SLC24A4: variants seen among roughly 807,000 people sequenced by gnomAD.
SLC24A4 encodes solute carrier family 24 member 4.
A neutral mutation model predicts 79.0 loss-of-function variants in SLC24A4; 53 were observed. That is an observed-to-expected ratio of 0.67 (90% CI 0.54 to 0.84). The LOEUF is 0.84. SLC24A4 is among the 40% of genes least tolerant of loss of function. The pLI is 0.00. For synonymous variants in SLC24A4, 323 were observed against 323.8 expected (o/e 1.00, Z 0.03); for missense variants, 731 against 822.0 (o/e 0.89, Z 1.35).
At chr14:92,464,271 G>A (rs923051281) in intron 12 of SLC24A4, among the ~76,000 whole-genome samples, 6 of 152,152 alleles carry the variant, frequency 3.9e-5, no homozygotes, top group Non-Finnish European at 5.9e-5. Flanking sequence ...ACTGAGAACC[G>A]GAGAGGACCA....
chr14:92,415,157 G>A (rs576605310), intron 2 of SLC24A4, among the ~76,000 whole-genome samples: 1 of 152,184 alleles, frequency 6.6e-6, no homozygotes, highest in South Asian at 2.1e-4. Flanking sequence ...CCTGTGGAAG[G>A]GCTGGACTTG....
chr14:92,491,250 T>G (rs940907172), intron 14 of SLC24A4, among the ~76,000 whole-genome samples: 5 of 152,234 alleles, frequency 3.3e-5, no homozygotes, highest in Non-Finnish European at 7.3e-5. Context: ...GATTCTTAGT[T>G]TAATAAAACT....
At chr14:92,373,625 A>G (rs920760572) in intron 2 of SLC24A4, among the ~76,000 whole-genome samples, 1 of 152,186 alleles carries the variant, frequency 6.6e-6, no homozygotes, top group African/African-American at 2.4e-5. Context: ...AAGTTTTGGA[A>G]ATGATCTGTC....
intron 12 of SLC24A4, 39 bp from the exon 13 acceptor site, chr14:92,482,641 T>C: frequency 6.4e-7 from 1 of 1,553,248 alleles, no homozygotes; most frequent in Non-Finnish European, 8.7e-7. Context: ...AGTGTCTTTC[T>C]CTCCCCCTCC....
chr14:92,358,698 T>C (rs1887321371), intron 2 of SLC24A4, among the ~76,000 whole-genome samples: 1 of 148,610 alleles, frequency 6.7e-6, no homozygotes, highest in Non-Finnish European at 1.5e-5. Context: ...ATCTACTCTT[T>C]TTTTTTTTTT....
Position 92,365,516 on chromosome 14 carries a change from A to G in SLC24A4, c.241+39538A>G, listed in dbSNP as rs574193041. ...TGCCTGAGCCCTTGTATTTACAAGG[A>G]AGACCAGGAGGAGCCCCGGGTGCTG... On this transcript the variant is annotated intron_variant, in intron 2 of 16. Transcript: ENST00000532405. Among the ~76,000 whole-genome samples, 5 of 152,308 alleles carry G rather than the reference A, an allele frequency of 3.3e-5. No homozygotes were observed. In the South Asian group the frequency reaches 1.0e-3, roughly 32 times the overall value.
chr14:92,450,057 G>A (rs549660706), intron 10 of SLC24A4, among the ~76,000 whole-genome samples: 2 of 152,292 alleles, frequency 1.3e-5, no homozygotes, highest in South Asian at 4.1e-4. Flanking sequence ...TCTTGCAATT[G>A]GTATGGAAAA....
At chr14:92,326,172 T>G (rs1885118563) in intron 2 of SLC24A4, among the ~76,000 whole-genome samples, 194 bp downstream of exon 2, 1 of 152,372 alleles carries the variant, frequency 6.6e-6, no homozygotes, top group Non-Finnish European at 1.5e-5. Flanking sequence ...TCAAGTGCTT[T>G]CTTTATCCAG....
rs1157728658 is a variant in SLC24A4 at position 92,490,731 on chromosome 14, C to T, written c.1538-934C>T. On this transcript the variant is annotated intron_variant, in intron 14 of 16. Transcript: ENST00000532405. This position sits in a 1 kb window ranked among gnomAD's most constrained non-coding sequence, Gnocchi z 4.3. ...GTAGCTGGGAACATGAAGTGAGGCG[C>T]AGTGGCCGGGAGTCCTCATAGAACA... Among the ~76,000 whole-genome samples the T allele has an allele frequency of 6.6e-6, 1 of 152,252 alleles. No individual in the cohort carries two copies. The highest frequency in any genetic ancestry group is 1.5e-5 in the Non-Finnish European group (1 of 68,056).
At chr14:92,428,822 T>A (rs1891706580) in intron 2 of SLC24A4, among the ~76,000 whole-genome samples, 1 of 152,170 alleles carries the variant, frequency 6.6e-6, no homozygotes, top group Non-Finnish European at 1.5e-5. Context: ...AGTAAGGAGA[T>A]GGGAGGCCAA....
At chr14:92,352,688 C>T (rs374707508) in intron 2 of SLC24A4, among the ~76,000 whole-genome samples, 1 of 152,182 alleles carries the variant, frequency 6.6e-6, no homozygotes, top group East Asian at 1.9e-4. Context: ...TTCTCTGGCC[C>T]TTGTTTCTCC....
At chr14:92,420,043 G>A (rs1595252244) in intron 2 of SLC24A4, among the ~76,000 whole-genome samples, 1 of 152,274 alleles carries the variant, frequency 6.6e-6, no homozygotes, top group Admixed American at 6.5e-5. Context: ...GGTGATCTGG[G>A]CCCACAAACC....
intron 14 of SLC24A4, among the ~76,000 whole-genome samples, chr14:92,489,041 A>C (rs17783630): frequency 0.52 from 78,982 of 151,908 alleles, 20,733 homozygotes; most frequent in Non-Finnish European, 0.56. Context: ...CGAAATGTGG[A>C]AGTACAGAAA....
intron 8 of SLC24A4, among the ~76,000 whole-genome samples, chr14:92,447,160 C>G (rs1892840011): frequency 6.6e-6 from 1 of 152,224 alleles, no homozygotes; most frequent in African/African-American, 2.4e-5. Flanking sequence ...AGAGACCCCT[C>G]AGCTTTTCTC....
chr14:92,442,199 C>T (rs1265021564), intron 5 of SLC24A4, 26 bp downstream of exon 5: 1 of 1,596,358 alleles, frequency 6.3e-7, no homozygotes, highest in South Asian at 1.1e-5. Context: ...CAGCCTGAGA[C>T]ACAGGATCTA....
chr14:92,419,219 G>A (rs1891149144), intron 2 of SLC24A4, among the ~76,000 whole-genome samples: 1 of 152,160 alleles, frequency 6.6e-6, no homozygotes, highest in African/African-American at 2.4e-5. Context: ...ATCACACGTG[G>A]CTGGCAACCC....
intron 12 of SLC24A4, 136 bp from the exon 13 acceptor site, chr14:92,482,544 A>C: frequency 2.8e-6 from 2 of 726,594 alleles, no homozygotes; most frequent in East Asian, 2.9e-5. Context: ...TGATTCTGCA[A>C]GGTCAGTTGC....
chr14:92,335,251 A>G (rs1310904995), intron 2 of SLC24A4, among the ~76,000 whole-genome samples: 1 of 152,216 alleles, frequency 6.6e-6, no homozygotes, highest in East Asian at 1.9e-4. Context: ...ATTTGTTACA[A>G]TGATGAGTCA....
intron 2 of SLC24A4, among the ~76,000 whole-genome samples, chr14:92,428,634 A>AT (rs1891696415): frequency 6.6e-6 from 1 of 152,222 alleles, no homozygotes; most frequent in Admixed American, 6.5e-5. Context: ...TCTGCCGGAC[A>AT]TGTTAGGTCT....
Sources: allele counts gnomAD v4.1 joint callset (sites outside exome capture counted in the v4.1 genomes callset), GRCh38; gene constraint gnomAD v4.1.1; non-coding constraint Gnocchi (gnomAD v3.1); transcripts MANE v1.5; gene names NCBI Gene and HGNC (gene_info 2026-07-23, HGNC 2026-07-21).